The following DLG2 variants were observed in gnomAD, a reference collection of about 807,000 sequenced individuals.
DLG2 encodes discs large MAGUK scaffold protein 2.
DLG2 carries 45 observed loss-of-function variants against 132.5 expected under a neutral mutation model. The observed-to-expected ratio is 0.34, with a 90% CI of 0.27 to 0.44. DLG2 has a LOEUF of 0.44. Ranked by LOEUF, DLG2 falls within the 20% of genes least tolerant of loss-of-function variation. The pLI, the probability that DLG2 is intolerant of heterozygous loss-of-function variation, is 1.00. For missense variants in DLG2, 1,045 were observed against 1,196.9 expected (o/e 0.87, Z 1.87); for synonymous variants, 424 against 419.6 (o/e 1.01, Z -0.13).
chr11:83,830,692 G>A (rs1236579249), intron 17 of DLG2, among the ~76,000 whole-genome samples: 1 of 152,228 alleles, frequency 6.6e-6, no homozygotes, highest in Non-Finnish European at 1.5e-5. Flanking sequence ...AGTGTGCTGA[G>A]AGGAGAAAGA....
chr11:83,650,157 C>T (rs1056786334), intron 18 of DLG2, among the ~76,000 whole-genome samples: 9 of 152,258 alleles, frequency 5.9e-5, no homozygotes, highest in African/African-American at 2.2e-4. Context: ...TGAATGATGG[C>T]CCCCAAGTAT....
intron 19 of DLG2, among the ~76,000 whole-genome samples, chr11:83,591,677 A>G (rs1347455644): frequency 6.8e-6 from 1 of 147,806 alleles, no homozygotes; most frequent in Non-Finnish European, 1.5e-5. Flanking sequence ...AAGGGTATTC[A>G]ATTAGGAAAA....
chr11:84,202,811 C>A (rs1217551791), intron 8 of DLG2, among the ~76,000 whole-genome samples: 13 of 152,122 alleles, frequency 8.5e-5, no homozygotes, highest in Admixed American at 8.5e-4. Context: ...AGTACAAGAA[C>A]AGACACTTCT....
At chr11:84,237,909 T>G (rs2097178347) in intron 8 of DLG2, among the ~76,000 whole-genome samples, 1 of 150,692 alleles carries the variant, frequency 6.6e-6, no homozygotes, top group South Asian at 2.1e-4. Flanking sequence ...GGTGTGGTGG[T>G]GGGGCACCTG....
At chr11:84,891,221 CT>C (rs906118261) in intron 6 of DLG2, among the ~76,000 whole-genome samples, 1 of 152,100 alleles carries the variant, frequency 6.6e-6, no homozygotes, top group Admixed American at 6.6e-5. Context: ...GTTGGCTTTC[CT>C]TTTTTAACAC....
chr11:85,442,397 A>G (rs1380510190), intron 3 of DLG2, among the ~76,000 whole-genome samples: 2 of 152,206 alleles, frequency 1.3e-5, no homozygotes, highest in Non-Finnish European at 2.9e-5. Flanking sequence ...GTCAAGTTAT[A>G]TTTAGAGTTA....
At chr11:85,015,271 A>G in intron 6 of DLG2, among the ~76,000 whole-genome samples, 1 of 152,160 alleles carries the variant, frequency 6.6e-6, no homozygotes. Context: ...GGTTAAGTTT[A>G]TACTTCTAAA....
intron 3 of DLG2, among the ~76,000 whole-genome samples, chr11:85,361,312 T>TA (rs2084136023): frequency 6.6e-6 from 1 of 150,774 alleles, no homozygotes; most frequent in Non-Finnish European, 1.5e-5. Flanking sequence ...ACTTTTCTAT[T>TA]TTTTTTTTTA....
At chr11:84,345,278 T>C (rs1170616346) in intron 7 of DLG2, among the ~76,000 whole-genome samples, 1 of 152,176 alleles carries the variant, frequency 6.6e-6, no homozygotes, top group Non-Finnish European at 1.5e-5. Flanking sequence ...GATTTGGAAA[T>C]TTTGAAACCG....
At chr11:85,381,934 A>G (rs954766401) in intron 3 of DLG2, among the ~76,000 whole-genome samples, 2 of 152,174 alleles carry the variant, frequency 1.3e-5, no homozygotes, top group Non-Finnish European at 2.9e-5. Flanking sequence ...CAGATTCCAC[A>G]TGACCTTTAT....
intron 6 of DLG2, among the ~76,000 whole-genome samples, chr11:85,082,020 G>T (rs1304247067): frequency 1.3e-5 from 2 of 151,954 alleles, no homozygotes; most frequent in Admixed American, 6.6e-5. Context: ...TATTTTTAAT[G>T]GCTATCCATA....
chr11:83,636,838 T>C (rs17145866), intron 18 of DLG2, among the ~76,000 whole-genome samples: 1,664 of 152,332 alleles, frequency 0.011, 31 homozygotes, highest in African/African-American at 0.038. Context: ...AAATGAATGA[T>C]TTATACTGCA....
At chr11:84,454,426 T>C (rs777227447) in intron 7 of DLG2, among the ~76,000 whole-genome samples, 1 of 151,482 alleles carries the variant, frequency 6.6e-6, no homozygotes, top group Non-Finnish European at 1.5e-5. Flanking sequence ...ACTTCAGAAA[T>C]GTTTGGGAGT....
intron 18 of DLG2, among the ~76,000 whole-genome samples, chr11:83,642,216 C>T (rs990193503): frequency 6.6e-6 from 1 of 152,124 alleles, no homozygotes; most frequent in African/African-American, 2.4e-5. Flanking sequence ...TAAATGCTAA[C>T]GTAAGTGCTT....
intron 8 of DLG2, among the ~76,000 whole-genome samples, chr11:84,196,376 T>C (rs542835781): frequency 7.2e-4 from 109 of 152,244 alleles, no homozygotes; most frequent in Non-Finnish European, 1.2e-3. Context: ...AATCAGGACA[T>C]TCTAGGCAAG....
intron 5 of DLG2, among the ~76,000 whole-genome samples, chr11:85,128,014 G>C (rs2075325566): frequency 6.6e-6 from 1 of 152,112 alleles, no homozygotes; most frequent in Non-Finnish European, 1.5e-5. Flanking sequence ...GAGGCAAAGA[G>C]TGAAATCATA....
chr11:83,616,497 A>G (rs2060830621), intron 19 of DLG2, among the ~76,000 whole-genome samples: 1 of 142,522 alleles, frequency 7.0e-6, no homozygotes, highest in Non-Finnish European at 1.5e-5. Flanking sequence ...ATTAAAAAAA[A>G]ATGTTTTTTT....
chr11:85,144,349 C>CTTTTTTTTTTTTTTT, intron 5 of DLG2, among the ~76,000 whole-genome samples: 1 of 138,060 alleles, frequency 7.2e-6, no homozygotes, highest in Admixed American at 7.2e-5. Context: ...ATAATTGGGT[C>CTTTTTTTTTTTTTTT]TTTTTTTTTT....
intron 11 of DLG2, among the ~76,000 whole-genome samples, chr11:84,048,377 TAAAA>T (rs2096282430): frequency 6.6e-6 from 1 of 151,692 alleles, no homozygotes; most frequent in East Asian, 1.9e-4. Flanking sequence ...CAAAAGGATT[TAAAA>T]AATTAGCACT....
Sources: allele counts gnomAD v4.1 joint callset (sites outside exome capture counted in the v4.1 genomes callset), GRCh38; gene constraint gnomAD v4.1.1; transcripts MANE v1.5; gene names NCBI Gene and HGNC (gene_info 2026-07-23, HGNC 2026-07-21).